CUL4A: variants seen among roughly 807,000 people sequenced by gnomAD.
CUL4A encodes cullin-4A.
A neutral mutation model predicts 95.5 loss-of-function variants in CUL4A; 16 were observed. The observed-to-expected ratio is 0.17, with a 90% CI of 0.11 to 0.25. The LOEUF (loss-of-function observed/expected upper bound fraction) is 0.25. CUL4A is among the 10% of genes least tolerant of loss of function. The pLI is 1.00. For missense variants in CUL4A, 610 were observed against 937.0 expected (o/e 0.65, Z 4.56); for synonymous variants, 380 against 353.1 (o/e 1.08, Z -0.85).
intron 15 of CUL4A, among the ~76,000 whole-genome samples, chr13:113,246,425 C>T (rs1214589855): frequency 6.6e-6 from 1 of 152,198 alleles, no homozygotes; most frequent in Non-Finnish European, 1.5e-5. Context: ...TCTTTGTCAG[C>T]CACTACTTTA....
chr13:113,249,745 T>C (rs947110304), intron 15 of CUL4A, among the ~76,000 whole-genome samples: 10 of 152,070 alleles, frequency 6.6e-5, no homozygotes, highest in African/African-American at 2.4e-4. Flanking sequence ...CTTCCCACCT[T>C]CTCACCTACA....
chr13:113,248,039 G>A (rs1005148414), intron 15 of CUL4A, among the ~76,000 whole-genome samples: 5 of 152,172 alleles, frequency 3.3e-5, no homozygotes, highest in East Asian at 1.9e-4. Context: ...GCACTATCAC[G>A]TGCCCCAGTG....
At chr13:113,215,851 G>A (rs1208330569) in intron 2 of CUL4A, among the ~76,000 whole-genome samples, 3 of 145,808 alleles carry the variant, frequency 2.1e-5, no homozygotes, top group Admixed American at 6.9e-5. Flanking sequence ...GTCGCTGTGT[G>A]ACTATGGAGG....
At chr13:113,252,780 C>T (rs1004604790) in intron 15 of CUL4A, among the ~76,000 whole-genome samples, 9 of 152,176 alleles carry the variant, frequency 5.9e-5, no homozygotes, top group African/African-American at 1.7e-4. Context: ...TTTTTCTTGA[C>T]GGGCTCCAGT....
rs1424704851 is a variant in CUL4A at position 113,233,282 on chromosome 13, C to T, written c.618C>T (p.Gly206=). 2 of 1,613,870 alleles carry T rather than the reference C, an allele frequency of 1.2e-6. No homozygotes were observed. Among genetic ancestry groups the T allele is most frequent in the East Asian group, 4.5e-5 (2 of 44,882 alleles). ...ILLLIERERS[G]EAVDRSLLRS... ...TGCTGATCGAGCGCGAGAGGAGCGG[C>T]GAGGCCGTGGACCGGAGCCTGTTGC... Residue 206 remains glycine, a synonymous_variant, in exon 6 of 20, where the codon GGC becomes GGT. Coordinates refer to ENST00000375440, the MANE Select transcript of CUL4A (RefSeq NM_001008895.4).
intron 5 of CUL4A, among the ~76,000 whole-genome samples, chr13:113,230,642 C>T (rs2041276795): frequency 6.6e-6 from 1 of 152,200 alleles, no homozygotes. Flanking sequence ...TATTTAATCC[C>T]TAGAGCAGCT....
intron 10 of CUL4A, 25 bp downstream of exon 10, chr13:113,239,576 G>C: frequency 6.4e-7 from 1 of 1,560,128 alleles, no homozygotes; most frequent in Non-Finnish European, 8.8e-7. Context: ...TTGAGGCCGC[G>C]GGCGTGGGCA....
Position 113,232,208 on chromosome 13 carries a change from CACCATT to C in CUL4A, c.513-966_513-961del, listed in dbSNP as rs1305762936. ...ACTGCTGCCACCACTACCCGCCCACCACCATTACTGCTGCCACCACTACCCGCCCAC... is the reference window on the plus strand; with the variant it reads ...ACTGCTGCCACCACTACCCGCCCACCACTGCTGCCACCACTACCCGCCCAC... On this transcript the variant is annotated intron_variant, in intron 5 of 19. Coordinates refer to ENST00000375440, the MANE Select transcript of CUL4A (RefSeq NM_001008895.4). 4.4e-4 allele frequency among the ~76,000 whole-genome samples: 13 copies of C among 29,840 alleles called. 3 individuals are homozygous for C. The highest frequency in any genetic ancestry group is 1.7e-3 in the African/African-American group (13 of 7,586). 19.6% of individuals were successfully genotyped at this position (29,840 alleles called of 152,430 possible). A position where few individuals can be genotyped will look rare whatever the true frequency, so the allele number is the denominator to read the frequency against.
At chr13:113,223,273 G>A (rs1267476626) in intron 3 of CUL4A, among the ~76,000 whole-genome samples, 2 of 152,172 alleles carry the variant, frequency 1.3e-5, no homozygotes, top group Non-Finnish European at 2.9e-5. Flanking sequence ...TAATGTGATG[G>A]CAGATGCTGA....
chr13:113,231,898 C>T (rs1474891200), intron 5 of CUL4A, among the ~76,000 whole-genome samples: 3 of 152,078 alleles, frequency 2.0e-5, no homozygotes, highest in African/African-American at 7.3e-5. Context: ...GAGGTGGCTC[C>T]CAGGGCCCTC....
intron 5 of CUL4A, among the ~76,000 whole-genome samples, chr13:113,232,022 C>T (rs1215829470): frequency 6.8e-6 from 1 of 146,512 alleles, no homozygotes; most frequent in Non-Finnish European, 1.5e-5. Flanking sequence ...CCACCACCAC[C>T]ACCACCATTA....
At chr13:113,209,820 A>T in intron 1 of CUL4A, 45 bp downstream of exon 1, 1 of 1,049,830 alleles carries the variant, frequency 9.5e-7, no homozygotes, top group Non-Finnish European at 1.1e-6. Flanking sequence ...CCGGGCGGGG[A>T]CCCCACGAGA....
At chr13:113,241,981 C>T (rs141529202) in intron 10 of CUL4A, among the ~76,000 whole-genome samples, 1 of 152,040 alleles carries the variant, frequency 6.6e-6, no homozygotes, top group Non-Finnish European at 1.5e-5. Context: ...TAGTGCCCTA[C>T]ACAGACTTTT....
chr13:113,213,280 CA>C (rs2139078224), intron 2 of CUL4A, among the ~76,000 whole-genome samples: 1 of 152,232 alleles, frequency 6.6e-6, no homozygotes, highest in East Asian at 1.9e-4. Context: ...CCCAGCTACT[CA>C]GGGCCCCCAC....
rs2042295360 is a variant in CUL4A at position 113,262,081 on chromosome 13, G to C, written c.2184+1322G>C. ...GCGTGAGCCACCGCGCCCAGCCTCA[G>C]CCACATCTTGTAAAATGTGTGGCTT... On this transcript the variant is annotated intron_variant, in intron 19 of 19. Transcript: ENST00000375440. 3.3e-5 allele frequency among the ~76,000 whole-genome samples: 5 copies of C among 152,120 alleles called. 1 individual carries two copies. In the South Asian group the frequency reaches 1.0e-3, roughly 32 times the overall value.
upstream of CUL4A, chr13:113,209,602 C>CG: frequency 2.0e-6 from 2 of 1,009,368 alleles, no homozygotes; most frequent in Non-Finnish European, 2.4e-6. Flanking sequence ...GCGCTCGGGG[C>CG]GGGGCGCGGC....
chr13:113,234,912 T>C (rs2287248), intron 7 of CUL4A, 151 bp from the exon 8 acceptor site: 148,360 of 598,680 alleles, frequency 0.25, 20,314 homozygotes, highest in South Asian at 0.41. Context: ...CCGTCCTACC[T>C]CTCCCTCCCT....
chr13:113,237,001 A>T, intron 9 of CUL4A, 111 bp downstream of exon 9: 2 of 687,496 alleles, frequency 2.9e-6, no homozygotes, highest in Admixed American at 6.3e-5. Context: ...TATTTTCATA[A>T]GACAGTCATT....
rs762139237 is a variant in CUL4A at position 113,244,459 on chromosome 13, C to T, written c.1278C>T (p.Asp426=). The T allele has an allele frequency of 1.9e-5, 30 of 1,613,652 alleles. No individual in the cohort carries two copies. The East Asian group carries it at 3.3e-4, about 18-fold the overall frequency. The change falls in exon 12 of 20, where the codon GAC becomes GAT. Residue 426 remains aspartate, a synonymous_variant. Coordinates refer to ENST00000375440, the MANE Select transcript of CUL4A (RefSeq NM_001008895.4). ...KLRAGNKEAT[D]EELERTLDKI... ...GAGCAGGCAACAAAGAAGCCACAGA[C>T]GAGGAGCTGGAGCGGACGTTGGACA...
Sources: allele counts gnomAD v4.1 joint callset (sites outside exome capture counted in the v4.1 genomes callset), GRCh38; gene constraint gnomAD v4.1.1; transcripts MANE v1.5; gene names NCBI Gene and HGNC (gene_info 2026-07-23, HGNC 2026-07-21).